Variants in TENM3 observed in about 807,000 individuals in gnomAD.
TENM3 encodes the protein teneurin transmembrane protein 3.
Under a neutral mutation model 255.1 loss-of-function variants are expected in TENM3, and 63 were observed. The ratio of observed to expected loss-of-function variants is 0.25; its 90% CI spans 0.20 to 0.30. The LOEUF is 0.30. Ranked by LOEUF, TENM3 falls within the 10% of genes least tolerant of loss-of-function variation. TENM3 has a pLI of 1.00. For synonymous variants in TENM3, 1,306 were observed against 1,322.3 expected, an observed-to-expected ratio of 0.99 and a Z score of 0.27; for missense variants, 2,929 against 3,461.1, an observed-to-expected ratio of 0.85 and a Z score of 3.86.
At chr4:181,535,166 A>G in the TENM3 span, among the ~76,000 whole-genome samples, 1 of 152,066 alleles carries the variant, frequency 6.6e-6, no homozygotes, top group Non-Finnish European at 1.5e-5. Flanking sequence ...GCACCACTCA[A>G]CAGTCGGGGC....
chr4:181,599,260 C>T, the TENM3 span, among the ~76,000 whole-genome samples: 5 of 152,236 alleles, frequency 3.3e-5, no homozygotes, highest in East Asian at 9.6e-4. Context: ...ACCATTATTC[C>T]CTTCGTTCTG....
chr4:182,176,821 A>AATTTTTTTTT (rs1561169609), intron 1 of TENM3, among the ~76,000 whole-genome samples: 5 of 113,358 alleles, frequency 4.4e-5, no homozygotes, highest in Non-Finnish European at 5.3e-5. Flanking sequence ...CATCCGGCTA[A>AATTTTTTTTT]TTTTTTTTTT....
At chr4:181,916,931 T>C in the TENM3 span, among the ~76,000 whole-genome samples, 1 of 152,064 alleles carries the variant, frequency 6.6e-6, no homozygotes, top group East Asian at 1.9e-4. Context: ...TTGAATGGAT[T>C]ATGTCTAAGT....
At chr4:181,562,218 T>A in the TENM3 span, among the ~76,000 whole-genome samples, 1 of 151,816 alleles carries the variant, frequency 6.6e-6, no homozygotes, top group South Asian at 2.1e-4. Context: ...ACCTTATCTA[T>A]TACGTTTTTT....
At position 182,360,179 on chromosome 4, in the gene TENM3, G is replaced by GA. The variant is rs550426224; in HGVS notation, c.511+13257dup. Among the ~76,000 whole-genome samples the GA allele has an allele frequency of 2.9e-3, 398 of 135,252 alleles. 7 individuals carry two copies. The highest frequency in any genetic ancestry group is 0.011 in the African/African-American group (387 of 35,914). The allele number at this position is 135,252 out of a possible 152,430, so 88.7% of individuals were successfully genotyped here. ...TTTGGAATAGGTGTGGTGTGGTGCT[G>GA]AAAAAAATGTATATTCTGTTGATTT... is the stretch of plus-strand genomic sequence containing the variant. On this transcript the variant is annotated intron_variant, in intron 3 of 27. Coordinates refer to ENST00000511685, the MANE Select transcript of TENM3 (RefSeq NM_001080477.4).
the TENM3 span, among the ~76,000 whole-genome samples, chr4:181,599,838 C>A: frequency 3.3e-5 from 5 of 152,032 alleles, no homozygotes; most frequent in Admixed American, 2.0e-4. Context: ...TTATTTATTC[C>A]TTTTTTACTT....
At chr4:181,586,342 A>G in the TENM3 span, among the ~76,000 whole-genome samples, 1 of 152,180 alleles carries the variant, frequency 6.6e-6, no homozygotes, top group African/African-American at 2.4e-5. Context: ...ACAGGTTCTG[A>G]TCCTGGTAGC....
the TENM3 span, among the ~76,000 whole-genome samples, chr4:181,682,117 C>G: frequency 1.3e-5 from 2 of 152,026 alleles, no homozygotes; most frequent in Non-Finnish European, 2.9e-5. Context: ...CTGAAGGCCC[C>G]CAAGTGGAGC....
chr4:182,462,026 A>T (rs899319491), intron 3 of TENM3, among the ~76,000 whole-genome samples: 2 of 151,464 alleles, frequency 1.3e-5, no homozygotes, highest in Non-Finnish European at 2.9e-5. Context: ...AGTGATTGCA[A>T]ACTGCCTCAT....
chr4:181,761,348 A>G, the TENM3 span, among the ~76,000 whole-genome samples: 2 of 152,138 alleles, frequency 1.3e-5, no homozygotes, highest in Non-Finnish European at 2.9e-5. Context: ...TTTAGGAACG[A>G]GGCCCAACAT....
At chr4:181,664,436 C>T in the TENM3 span, among the ~76,000 whole-genome samples, 1 of 151,464 alleles carries the variant, frequency 6.6e-6, no homozygotes, top group African/African-American at 2.4e-5. Flanking sequence ...CACCACTGCA[C>T]TCCAGCCTGG....
the TENM3 span, among the ~76,000 whole-genome samples, chr4:181,755,083 T>C: frequency 5.2e-4 from 79 of 152,264 alleles, no homozygotes; most frequent in South Asian, 2.1e-4. Flanking sequence ...GCTTGGGCAA[T>C]TTTATGCCAA....
chr4:181,544,217 T>C, the TENM3 span, among the ~76,000 whole-genome samples: 1 of 152,000 alleles, frequency 6.6e-6, no homozygotes, highest in African/African-American at 2.4e-5. Context: ...TGATATAGGA[T>C]ATCTATTCTA....
intron 1 of TENM3, among the ~76,000 whole-genome samples, chr4:182,229,008 T>G (rs879603439): frequency 2.6e-5 from 4 of 152,214 alleles, no homozygotes; most frequent in Non-Finnish European, 5.9e-5. Flanking sequence ...TGGATGACAC[T>G]GACAGCCCCG....
the TENM3 span, among the ~76,000 whole-genome samples, chr4:181,644,092 A>G: frequency 7.8e-4 from 119 of 151,612 alleles, no homozygotes; most frequent in African/African-American, 2.8e-3. Context: ...AAAAAAAAAA[A>G]AAGTCAAGGG....
At chr4:181,863,402 G>A in the TENM3 span, among the ~76,000 whole-genome samples, 1 of 152,138 alleles carries the variant, frequency 6.6e-6, no homozygotes, top group South Asian at 2.1e-4. Flanking sequence ...AAAGCATGAA[G>A]AAACGCTCCA....
At chr4:182,516,969 T>C (rs1184085360) in intron 3 of TENM3, among the ~76,000 whole-genome samples, 1 of 151,698 alleles carries the variant, frequency 6.6e-6, no homozygotes, top group African/African-American at 2.4e-5. Context: ...CTGGGGTACA[T>C]CCTCTTTGGA....
chr4:181,647,600 T>C, the TENM3 span, among the ~76,000 whole-genome samples: 1 of 151,990 alleles, frequency 6.6e-6, no homozygotes, highest in Non-Finnish European at 1.5e-5. Flanking sequence ...AAACAACAAA[T>C]AAAACAGTCC....
intron 1 of TENM3, among the ~76,000 whole-genome samples, chr4:182,193,346 G>T (rs368867867): frequency 6.6e-6 from 1 of 152,078 alleles, no homozygotes; most frequent in Admixed American, 6.6e-5. Flanking sequence ...ATTAAAGCTC[G>T]GAAACCTTTG....
Sources: gnomAD v4.1 joint callset for allele counts (sites outside exome capture counted in the v4.1 genomes callset) on GRCh38, gnomAD v4.1.1 for gene constraint, MANE v1.5 for transcripts, NCBI Gene and HGNC (gene_info 2026-07-23, HGNC 2026-07-21) for gene names.